The following TFAP2D variants were observed in gnomAD, a reference collection of about 807,000 sequenced individuals.
TFAP2D encodes the protein transcription factor AP-2-delta.
A neutral mutation model predicts 43.6 loss-of-function variants in TFAP2D; 9 were observed. The ratio of observed to expected loss-of-function variants is 0.21; its 90% CI spans 0.12 to 0.36. The LOEUF (loss-of-function observed/expected upper bound fraction) is 0.36, where lower values mean the gene tolerates loss of function less well. Ranked by LOEUF, TFAP2D falls within the 10% of genes least tolerant of loss-of-function variation. The pLI is 1.00. For missense variants in TFAP2D, 513 were observed against 561.4 expected (o/e 0.91, Z 0.87); for synonymous variants, 256 against 224.9 (o/e 1.14, Z -1.24).
chr6:50,714,120 TTTTTG>T, intron 1 of TFAP2D, 26 bp downstream of exon 1: 1 of 1,589,714 alleles, frequency 6.3e-7, no homozygotes. Flanking sequence ...TTTTTTTTTT[TTTTTG>T]AGCGCGCGTG....
At chr6:50,750,363 T>G (rs1003819103) in intron 6 of TFAP2D, among the ~76,000 whole-genome samples, 1 of 152,014 alleles carries the variant, frequency 6.6e-6, no homozygotes, top group Non-Finnish European at 1.5e-5. Flanking sequence ...CACCTCACTT[T>G]AGATGATGGA....
intron 3 of TFAP2D, 106 bp from the exon 4 acceptor site, chr6:50,728,750 T>C (rs964943162): frequency 1.8e-6 from 2 of 1,108,664 alleles, no homozygotes; most frequent in African/African-American, 3.1e-5. Flanking sequence ...GTACAACTGT[T>C]AGCATGTATT....
In TFAP2D at chr6:50,772,739, C is replaced by T. The variant is rs1362751027; in HGVS notation, c.1234C>T (p.His412Tyr). The T allele has an allele frequency of 2.5e-6, 4 of 1,614,096 alleles. No individual in the cohort carries two copies. The highest frequency in any genetic ancestry group is 3.4e-6 in the Non-Finnish European group (4 of 1,180,014). The change falls in exon 8 of 8, where the codon CAC (histidine) becomes TAC (tyrosine). Residue 412 changes from histidine to tyrosine, a missense_variant. This residue lies in a region of TFAP2D where 199 missense variants were observed against 227.9 expected (regional missense o/e 0.87). Coordinates refer to ENST00000008391, the MANE Select transcript of TFAP2D (RefSeq NM_172238.4). Reference protein sequence around the residue: ...LSEMLNYLEKHTTHKNGGAAD... With the variant: ...LSEMLNYLEKYTTHKNGGAAD... ...TGAAATGCTGAACTACTTGGAAAAACACACTACTCACAAGAACGGCGGAGC... is the reference window on the plus strand; with the variant it reads ...TGAAATGCTGAACTACTTGGAAAAATACACTACTCACAAGAACGGCGGAGC...
chr6:50,766,385 C>T (rs987225401), intron 7 of TFAP2D, among the ~76,000 whole-genome samples: 4 of 151,918 alleles, frequency 2.6e-5, no homozygotes, highest in Middle Eastern at 3.2e-3. Flanking sequence ...GTTGTTTTTC[C>T]TATTTGTGTG....
chr6:50,729,943 G>A (rs1768861867), intron 5 of TFAP2D, among the ~76,000 whole-genome samples: 1 of 151,972 alleles, frequency 6.6e-6, no homozygotes, highest in South Asian at 2.1e-4. Context: ...CTCCTATTAA[G>A]GTCTAAACTT....
chr6:50,738,594 GT>G (rs978141853), intron 5 of TFAP2D, among the ~76,000 whole-genome samples: 1 of 151,840 alleles, frequency 6.6e-6, no homozygotes, highest in Non-Finnish European at 1.5e-5. Context: ...AGTTTTATTT[GT>G]TTTTTTCCAG....
Position 50,772,961 on chromosome 6 carries a change from C to A in TFAP2D, c.*97C>A. 2.7e-6 allele frequency: 3 copies of A among 1,129,706 alleles called. No homozygotes were observed. Among genetic ancestry groups the A allele is most frequent in the East Asian group, 2.7e-5 (1 of 37,528 alleles). 70.0% of individuals were successfully genotyped at this position (1,129,706 alleles called of 1,614,324 possible). A position where few individuals can be genotyped will look rare whatever the true frequency, so the allele number is the denominator to read the frequency against. On this transcript the variant is annotated 3_prime_UTR_variant, in exon 8 of 8. Coordinates refer to ENST00000008391, the MANE Select transcript of TFAP2D (RefSeq NM_172238.4). ...GTGACTAATCTTCAGTGGACCAAAT[C>A]TCTACCCTTCCCCAACCCTCCATAA...
chr6:50,744,114 G>A (rs1051490939), intron 5 of TFAP2D, among the ~76,000 whole-genome samples: 2 of 152,098 alleles, frequency 1.3e-5, no homozygotes, highest in African/African-American at 4.8e-5. Flanking sequence ...CTGTGTCATG[G>A]GGGTTTGGTG....
At chr6:50,751,365 C>A (rs1170856589) in intron 7 of TFAP2D, 41 bp downstream of exon 7, 4 of 1,339,380 alleles carry the variant, frequency 3.0e-6, no homozygotes, top group East Asian at 2.3e-5. Context: ...CTTTACTAAC[C>A]CAGATGCTTG....
chr6:50,717,120 T>C (rs545225571), intron 2 of TFAP2D, among the ~76,000 whole-genome samples: 66 of 152,356 alleles, frequency 4.3e-4, no homozygotes, highest in Admixed American at 9.8e-4. Flanking sequence ...TTTACTCCTT[T>C]TAATAGCCGC....
chr6:50,755,808 A>G (rs1343114757), intron 7 of TFAP2D, among the ~76,000 whole-genome samples: 1 of 152,020 alleles, frequency 6.6e-6, no homozygotes, highest in African/African-American at 2.4e-5. Flanking sequence ...ATTAAAAATA[A>G]AAATATTCTA....
chr6:50,764,454 A>G (rs1260660371), intron 7 of TFAP2D, among the ~76,000 whole-genome samples: 2 of 152,206 alleles, frequency 1.3e-5, no homozygotes, highest in South Asian at 2.1e-4. Context: ...AAGATTCCCA[A>G]ATGAAACCAA....
intron 7 of TFAP2D, among the ~76,000 whole-genome samples, chr6:50,756,178 T>A (rs901902785): frequency 6.6e-6 from 1 of 152,008 alleles, no homozygotes; most frequent in Non-Finnish European, 1.5e-5. Flanking sequence ...GTGTCCCTTT[T>A]AAAATTTTCC....
rs114513210 is a variant in TFAP2D at position 50,742,931 on chromosome 6, G to A, written c.884-2176G>A. 5.8e-3 allele frequency among the ~76,000 whole-genome samples: 798 copies of A among 138,470 alleles called. 3 individuals carry two copies. The highest frequency in any genetic ancestry group is 0.02 in the African/African-American group (776 of 38,904). The allele number at this position is 138,470 out of a possible 152,430, so 90.8% of individuals were successfully genotyped here. On this transcript the variant is annotated intron_variant, in intron 5 of 7. Coordinates refer to ENST00000008391, the MANE Select transcript of TFAP2D (RefSeq NM_172238.4). ...TTTTTCAAGCAATAGTGAGTGTCCT[G>A]TATGGCATAACAACGACTTTAAAAC...
intron 5 of TFAP2D, among the ~76,000 whole-genome samples, chr6:50,735,769 G>A (rs1397517837): frequency 6.6e-6 from 1 of 152,092 alleles, no homozygotes; most frequent in Non-Finnish European, 1.5e-5. Flanking sequence ...CAAGAAACAA[G>A]GGAAAACAAC....
chr6:50,769,035 G>C (rs945253086), intron 7 of TFAP2D, among the ~76,000 whole-genome samples: 1 of 151,524 alleles, frequency 6.6e-6, no homozygotes, highest in Admixed American at 6.6e-5. Context: ...GGGATTACAG[G>C]CATGCACCAC....
intron 5 of TFAP2D, among the ~76,000 whole-genome samples, chr6:50,734,408 A>C (rs769557245): frequency 1.3e-5 from 2 of 152,112 alleles, no homozygotes; most frequent in East Asian, 3.9e-4. Context: ...CTGTTATAAC[A>C]GTTCCCAAAA....
At chr6:50,757,748 AATT>A in intron 7 of TFAP2D, among the ~76,000 whole-genome samples, 1 of 70,878 alleles carries the variant, frequency 1.4e-5, no homozygotes, top group Non-Finnish European at 3.0e-5. Flanking sequence ...GAATATATAT[AATT>A]ATTCTATATA....
At chr6:50,723,298 G>C (rs1768759067) in intron 3 of TFAP2D, among the ~76,000 whole-genome samples, 3 of 152,254 alleles carry the variant, frequency 2.0e-5, no homozygotes, top group Non-Finnish European at 4.4e-5. Context: ...GCCGGCAGCA[G>C]GCTGCTTGGC....
Sources: allele counts gnomAD v4.1 joint callset (sites outside exome capture counted in the v4.1 genomes callset), GRCh38; gene constraint gnomAD v4.1.1; regional missense constraint gnomAD v4.1.1; transcripts MANE v1.5; gene names NCBI Gene and HGNC (gene_info 2026-07-23, HGNC 2026-07-21).